Variants in SERPINE2 observed in about 807,000 individuals in gnomAD.
SERPINE2 encodes glia-derived nexin.
In SERPINE2, 14 loss-of-function variants were observed where a neutral mutation model predicts 36.3. That is an observed-to-expected ratio of 0.39 (90% CI 0.25 to 0.60). The LOEUF (loss-of-function observed/expected upper bound fraction) is 0.60. Ranked by LOEUF, SERPINE2 falls within the 20% of genes least tolerant of loss-of-function variation. SERPINE2 has a pLI of 0.57. For missense variants in SERPINE2, 418 were observed against 499.6 expected, an observed-to-expected ratio of 0.84 and a Z score of 1.56; for synonymous variants, 192 against 191.8, an observed-to-expected ratio of 1.00 and a Z score of -0.01.
intron 2 of SERPINE2, 100 bp from the exon 3 acceptor site, chr2:223,998,442 G>A (rs1690982380): frequency 1.2e-6 from 1 of 837,070 alleles, no homozygotes; most frequent in East Asian, 2.6e-5. Flanking sequence ...TATAGGCCAG[G>A]TGCAGTGGCT....
At chr2:224,011,337 C>G (rs1170930463) in intron 1 of SERPINE2, among the ~76,000 whole-genome samples, 2 of 152,076 alleles carry the variant, frequency 1.3e-5, no homozygotes, top group African/African-American at 4.8e-5. Context: ...CTTTTTTAGA[C>G]ATAAAAAATA....
intron 1 of SERPINE2, among the ~76,000 whole-genome samples, chr2:224,029,789 C>A (rs955967775): frequency 2.6e-5 from 4 of 152,234 alleles, no homozygotes; most frequent in African/African-American, 7.2e-5. Context: ...ACTTCCGCCT[C>A]CGGGGTTCAA....
At chr2:224,008,825 T>C (rs886494815) in intron 1 of SERPINE2, among the ~76,000 whole-genome samples, 1 of 152,226 alleles carries the variant, frequency 6.6e-6, no homozygotes, top group Admixed American at 6.5e-5. Context: ...CACCACTCTC[T>C]GGAATATATC....
At chr2:223,999,694 C>T (rs946621523) in intron 2 of SERPINE2, among the ~76,000 whole-genome samples, 6 of 152,302 alleles carry the variant, frequency 3.9e-5, no homozygotes, top group African/African-American at 1.4e-4. Flanking sequence ...AGGGGTGAGG[C>T]AGTGGTGGAT....
At position 224,036,966 on chromosome 2, in the gene SERPINE2, G is replaced by A. The variant is rs201423436; in HGVS notation, c.-23+2133C>T. Among the ~76,000 whole-genome samples the A allele has an allele frequency of 9.2e-5, 14 of 152,232 alleles. No homozygotes were observed. In the East Asian group the frequency reaches 1.2e-3, roughly 13 times the overall value. ...GAGACATTAGTCACTGCCCCAAGGAGGCCATCTCTCTATATTTCTCTAAGT... is the reference window on the plus strand; with the variant it reads ...GAGACATTAGTCACTGCCCCAAGGAAGCCATCTCTCTATATTTCTCTAAGT... On this transcript the variant is annotated intron_variant, in intron 1 of 8. Coordinates refer to ENST00000409304, the MANE Select transcript of SERPINE2 (RefSeq NM_001136528.2).
At chr2:224,016,113 T>C (rs1412003937) in intron 1 of SERPINE2, among the ~76,000 whole-genome samples, 1 of 152,236 alleles carries the variant, frequency 6.6e-6, no homozygotes, top group Non-Finnish European at 1.5e-5. Context: ...TGGCTAATAC[T>C]AGTGACAACA....
At chr2:224,019,227 T>C (rs1179234323) in intron 1 of SERPINE2, among the ~76,000 whole-genome samples, 1 of 149,702 alleles carries the variant, frequency 6.7e-6, no homozygotes, top group African/African-American at 2.5e-5. Flanking sequence ...TAGTAAGAGA[T>C]GAACAATAAC....
intron 1 of SERPINE2, among the ~76,000 whole-genome samples, chr2:224,005,015 ATATAT>A (rs754820229): frequency 0.21 from 27,088 of 127,140 alleles, 3,054 homozygotes; most frequent in Middle Eastern, 0.28. Flanking sequence ...ATGTAGTATT[ATATAT>A]TATATTATAT....
intron 7 of SERPINE2, chr2:223,978,363 T>C (rs767969908): frequency 6.6e-6 from 1 of 152,294 alleles, no homozygotes; most frequent in Non-Finnish European, 1.5e-5. Flanking sequence ...ATCTTTTCTG[T>C]ATATAAAGGC....
intron 1 of SERPINE2, among the ~76,000 whole-genome samples, chr2:224,006,315 C>T (rs563879795): frequency 6.6e-6 from 1 of 152,276 alleles, no homozygotes; most frequent in Non-Finnish European, 1.5e-5. Context: ...GGGTACTAGT[C>T]TCCAAAAATC....
At chr2:223,982,100 G>A (rs1437732166) in intron 6 of SERPINE2, 1 of 149,752 alleles carries the variant, frequency 6.7e-6, no homozygotes, top group Non-Finnish European at 1.5e-5. Context: ...ACTAGATAAA[G>A]AAAATGAGGT....
intron 1 of SERPINE2, chr2:224,038,409 C>G: frequency 1.0e-5 from 12 of 1,187,646 alleles, no homozygotes; most frequent in Non-Finnish European, 1.5e-5. Context: ...GTAATAGAAG[C>G]CTTCCTTCCC....
chr2:223,975,390 G>C lies in SERPINE2; in HGVS notation c.*477C>G, dbSNP rs950648589. On this transcript the variant is annotated 3_prime_UTR_variant, in exon 9 of 9. Coordinates refer to ENST00000409304, the MANE Select transcript of SERPINE2 (RefSeq NM_001136528.2). ...TCACCGTTTCTACCACCAAAATAAC[G>C]CTTGCTATCAAGACTTTGGAGGGGG... 1 of 152,654 alleles carries C rather than the reference G, an allele frequency of 6.6e-6. No individual in the cohort carries two copies. The allele number at this position is 152,654 out of a possible 1,614,324, so 9.5% of individuals were successfully genotyped here.
intron 2 of SERPINE2, 182 bp downstream of exon 2, chr2:224,001,460 A>G (rs3795877): frequency 0.21 from 130,347 of 608,154 alleles, 16,196 homozygotes; most frequent in African/African-American, 0.45. Flanking sequence ...TAGTTCTCCT[A>G]ACTGCCAGCA....
chr2:223,977,436 A>G, intron 8 of SERPINE2, 108 bp downstream of exon 8: 1 of 747,154 alleles, frequency 1.3e-6, no homozygotes, highest in Non-Finnish European at 2.4e-6. Context: ...GCAACTATTG[A>G]CATTAGGGAA....
chr2:224,006,541 C>G (rs1559210068), intron 1 of SERPINE2, among the ~76,000 whole-genome samples: 1 of 152,110 alleles, frequency 6.6e-6, no homozygotes, highest in Non-Finnish European at 1.5e-5. Context: ...ATTTGCCTGT[C>G]TCATTTTAGT....
At chr2:224,029,990 G>A in intron 1 of SERPINE2, 1 of 910,706 alleles carries the variant, frequency 1.1e-6, no homozygotes, top group Non-Finnish European at 1.3e-6. Context: ...AGCCAGCATA[G>A]ACATGTCTGG....
Position 224,030,314 on chromosome 2 carries a change from A to T in SERPINE2, c.-23+8785T>A, listed in dbSNP as rs1324537959. On this transcript the variant is annotated intron_variant, in intron 1 of 8. Coordinates refer to ENST00000409304, the MANE Select transcript of SERPINE2 (RefSeq NM_001136528.2). ...AGCATGCAAAGACACAGAGCAAGTC[A>T]CTCATTCATCAGGCCAAAGACACGA... is the stretch of plus-strand genomic sequence containing the variant. 9.1e-6 allele frequency: 7 copies of T among 769,248 alleles called. No homozygotes were observed. In the African/African-American group the frequency reaches 1.3e-4, roughly 15 times the overall value. 47.7% of individuals were successfully genotyped at this position (769,248 alleles called of 1,614,324 possible).
chr2:224,013,626 G>C (rs1485256809), intron 1 of SERPINE2, among the ~76,000 whole-genome samples: 3 of 152,184 alleles, frequency 2.0e-5, no homozygotes, highest in African/African-American at 4.8e-5. Context: ...TCTCTCAGTG[G>C]CTGGCTGTTC....
Sources: gnomAD v4.1 joint callset for allele counts (sites outside exome capture counted in the v4.1 genomes callset) on GRCh38, gnomAD v4.1.1 for gene constraint, MANE v1.5 for transcripts, NCBI Gene and HGNC (gene_info 2026-07-23, HGNC 2026-07-21) for gene names.